The following HEG1 variants were observed in gnomAD, a reference collection of about 807,000 sequenced individuals.
HEG1 encodes protein HEG homolog 1.
Under a neutral mutation model 125.6 loss-of-function variants are expected in HEG1, and 56 were observed. That is an observed-to-expected ratio of 0.45 (90% confidence interval 0.36 to 0.56). The LOEUF (loss-of-function observed/expected upper bound fraction) is 0.56. Among genes scored for constraint, HEG1 ranks in the 20% least tolerant of loss-of-function variants. HEG1 has a pLI of 0.00. For synonymous variants in HEG1, 644 were observed against 668.5 expected (o/e 0.96, Z 0.57); for missense variants, 1,523 against 1,670.0 (o/e 0.91, Z 1.53).
intron 14 of HEG1, among the ~76,000 whole-genome samples, chr3:124,989,168 G>A (rs1217255024): frequency 6.6e-6 from 1 of 152,184 alleles, no homozygotes; most frequent in Non-Finnish European, 1.5e-5. Flanking sequence ...AGAGTTTTAT[G>A]TCAGTTTTAT....
At chr3:125,029,708 G>T (rs563928575) in intron 1 of HEG1, among the ~76,000 whole-genome samples, 2 of 152,104 alleles carry the variant, frequency 1.3e-5, no homozygotes, top group Admixed American at 1.3e-4. Context: ...TGGCCAACAT[G>T]GTAAAACCCT....
intron 8 of HEG1, among the ~76,000 whole-genome samples, chr3:125,008,733 G>A (rs763689915): frequency 1.5e-4 from 23 of 152,204 alleles, no homozygotes; most frequent in Admixed American, 3.9e-4. Flanking sequence ...GAAGGTGGAG[G>A]TCGCAGAGAG....
chr3:124,981,004 C>T (rs572539245), intron 14 of HEG1, among the ~76,000 whole-genome samples: 9 of 151,380 alleles, frequency 5.9e-5, no homozygotes, highest in African/African-American at 1.9e-4. Flanking sequence ...ACGGGCGCAA[C>T]TAAGTTTTGG....
At chr3:125,037,745 C>T (rs4679257) in intron 1 of HEG1, among the ~76,000 whole-genome samples, 10,358 of 152,298 alleles carry the variant, frequency 0.068, 523 homozygotes, top group Non-Finnish European at 0.11. Context: ...TACTGCTTTC[C>T]GTGTCTCTAG....
chr3:125,032,227 C>T (rs993403597), intron 1 of HEG1, among the ~76,000 whole-genome samples: 45 of 152,316 alleles, frequency 3.0e-4, no homozygotes, highest in African/African-American at 1.1e-3. Context: ...CATTTCTCCA[C>T]TCTGATTCAC....
chr3:124,977,621 CT>C (rs531032479), intron 15 of HEG1, among the ~76,000 whole-genome samples: 25 of 152,226 alleles, frequency 1.6e-4, no homozygotes, highest in African/African-American at 5.8e-4. Context: ...TCATTTCCTG[CT>C]TGTGCTTTCA....
chr3:124,980,961 C>T (rs1936639012), intron 14 of HEG1, among the ~76,000 whole-genome samples: 1 of 152,012 alleles, frequency 6.6e-6, no homozygotes, highest in Admixed American at 6.6e-5. Flanking sequence ...CTCAAGCAAT[C>T]CTTCTGCCTC....
intron 1 of HEG1, among the ~76,000 whole-genome samples, chr3:125,035,344 G>A (rs1036626381): frequency 6.6e-6 from 1 of 152,036 alleles, no homozygotes; most frequent in Non-Finnish European, 1.5e-5. Flanking sequence ...AATTAAAAAC[G>A]AAACATGTAC....
At chr3:124,979,369 GA>G (rs940725255) in intron 14 of HEG1, among the ~76,000 whole-genome samples, 6 of 152,136 alleles carry the variant, frequency 3.9e-5, no homozygotes, top group Non-Finnish European at 8.8e-5. Flanking sequence ...CAGAGTCTGG[GA>G]ATCACTGCAT....
chr3:125,052,388 C>A (rs9851127), intron 1 of HEG1, among the ~76,000 whole-genome samples: 103,595 of 152,060 alleles, frequency 0.68, 35,512 homozygotes, highest in South Asian at 0.85. Flanking sequence ...ACAGCTCAGA[C>A]GGGGCTCAGC....
intron 8 of HEG1, among the ~76,000 whole-genome samples, chr3:125,007,199 A>C: frequency 9.5e-6 from 1 of 104,750 alleles, no homozygotes. Context: ...ACTCCGTCTC[A>C]AAAAAAAAAA....
At chr3:125,002,550 G>A (rs1937016438) in intron 9 of HEG1, among the ~76,000 whole-genome samples, 1 of 152,202 alleles carries the variant, frequency 6.6e-6, no homozygotes. Context: ...ATCTTGGCAG[G>A]AAATGATGTT....
At chr3:125,002,374 A>T in intron 9 of HEG1, 59 bp from the exon 10 acceptor site, 1 of 1,448,008 alleles carries the variant, frequency 6.9e-7, no homozygotes, top group Non-Finnish European at 9.6e-7. Context: ...TTGGACCTAG[A>T]ACCAGTTTCC....
chr3:124,982,824 C>A (rs1017508742), intron 14 of HEG1, among the ~76,000 whole-genome samples: 1 of 152,196 alleles, frequency 6.6e-6, no homozygotes, highest in Admixed American at 6.5e-5. Context: ...GGTCCTGGAA[C>A]AAACCCACCA....
intron 8 of HEG1, among the ~76,000 whole-genome samples, chr3:125,006,013 A>G (rs1215803588): frequency 6.6e-6 from 1 of 152,224 alleles, no homozygotes; most frequent in African/African-American, 2.4e-5. Flanking sequence ...CAGGCTCCCA[A>G]GGGCCACCAC....
rs2860440 is a variant in HEG1, at chr3:125,029,382, G to T, written c.423C>A (p.Gly141=). 2.5e-6 allele frequency: 4 copies of T among 1,612,872 alleles called. No individual in the cohort carries two copies. Among genetic ancestry groups the T allele is most frequent in the Non-Finnish European group, 3.4e-6 (4 of 1,179,798 alleles). Residue 141 remains glycine, a synonymous_variant, in exon 2 of 17, where the codon GGC becomes GGA. Coordinates refer to ENST00000311127, the MANE Select transcript of HEG1 (RefSeq NM_020733.2). ...TCTTCCCAGAGGTCTGAACCATCAC[G>T]CCCTCTTTGGAGGACACTGTTGAAA... ...EDFSTVSSKE[G]VMVQTSGKSH... is the part of the protein sequence containing the mutation.
In HEG1 at chr3:125,001,941, A is replaced by T; in HGVS notation, c.3428T>A (p.Leu1143Gln). 6.2e-7 allele frequency: 1 copy of T among 1,614,026 alleles called. No homozygotes were observed. Among genetic ancestry groups the T allele is most frequent in the Non-Finnish European group, 8.5e-7 (1 of 1,179,890 alleles). ...SLASNVTLFD[L>Q]ADRMQKCVNS... ...GACACATTTCTGCATCCTATCAGCC[A>T]GGTCAAATAGCGTCACATTGGAGGC... The change falls in exon 11 of 17, where the codon CTG becomes CAG. Residue 1143 changes from leucine to glutamine, a missense_variant. Coordinates refer to ENST00000311127, the MANE Select transcript of HEG1 (RefSeq NM_020733.2).
intron 1 of HEG1, among the ~76,000 whole-genome samples, chr3:125,043,931 C>T (rs1476096158): frequency 1.3e-5 from 2 of 152,196 alleles, no homozygotes; most frequent in East Asian, 3.8e-4. Flanking sequence ...CAGGGGTGTG[C>T]ACACTGGGCA....
chr3:125,041,582 A>C (rs1203002922), intron 1 of HEG1, among the ~76,000 whole-genome samples: 2 of 152,244 alleles, frequency 1.3e-5, no homozygotes, highest in Non-Finnish European at 2.9e-5. Context: ...TTGATCCAGC[A>C]ATCCCACTTC....
Sources: allele counts gnomAD v4.1 joint callset (sites outside exome capture counted in the v4.1 genomes callset), GRCh38; gene constraint gnomAD v4.1.1; transcripts MANE v1.5; gene names NCBI Gene and HGNC (gene_info 2026-07-23, HGNC 2026-07-21).